COBL: variants seen among roughly 807,000 people sequenced by gnomAD.
COBL encodes cordon-bleu WH2 repeat protein, also known as protein cordon-bleu.
Under a neutral mutation model 98.8 loss-of-function variants are expected in COBL, and 51 were observed. The observed-to-expected ratio is 0.52, with a 90% CI of 0.41 to 0.65. The LOEUF (loss-of-function observed/expected upper bound fraction) is 0.65. Ranked by LOEUF, COBL falls within the 30% of genes least tolerant of loss-of-function variation. COBL has a pLI of 0.00. For synonymous variants in COBL, 634 were observed against 651.7 expected (o/e 0.97, Z 0.41); for missense variants, 1,617 against 1,617.5 (o/e 1.00, Z 0.01).
chr7:51,122,839 C>A (rs771698736), intron 6 of COBL, among the ~76,000 whole-genome samples: 7 of 152,054 alleles, frequency 4.6e-5, no homozygotes, highest in Non-Finnish European at 1.0e-4. Context: ...ATTAGCAGGG[C>A]ATGGTGGCGC....
At chr7:51,067,355 T>C (rs1363241377) in intron 7 of COBL, among the ~76,000 whole-genome samples, 1 of 152,284 alleles carries the variant, frequency 6.6e-6, no homozygotes, top group East Asian at 1.9e-4. Context: ...CATATATGTA[T>C]GCATGTGTAT....
In COBL at chr7:51,303,671, A is replaced by C. The variant is rs79060252; in HGVS notation, c.41+12922T>G. On this transcript the variant is annotated intron_variant, in intron 1 of 12. Coordinates refer to ENST00000265136, the MANE Select transcript of COBL (RefSeq NM_015198.5). The stretch of plus-strand genomic sequence containing the variant: ...ATTTTACCAAGCTCTTAGATGTTAC[A>C]TGTGACAAACACAGACATGTATCAA... Among the ~76,000 whole-genome samples, 1,150 of 152,330 alleles carry C rather than the reference A, an allele frequency of 7.5e-3. 7 individuals are homozygous for C. The highest frequency in any genetic ancestry group is 0.027 in the South Asian group (131 of 4,828).
chr7:51,290,139 T>G (rs1406247140), intron 1 of COBL, among the ~76,000 whole-genome samples: 1 of 152,018 alleles, frequency 6.6e-6, no homozygotes, highest in African/African-American at 2.4e-5. Context: ...AGGTGGTGAC[T>G]GCTCAAGATC....
At chr7:51,172,561 C>A (rs1198331777) in intron 5 of COBL, 1 of 1,272,510 alleles carries the variant, frequency 7.9e-7, no homozygotes, top group Non-Finnish European at 1.0e-6. Context: ...CACATCATCT[C>A]CAGGTGAAAG....
At chr7:51,173,726 T>C (rs1788097751) in intron 5 of COBL, among the ~76,000 whole-genome samples, 1 of 152,232 alleles carries the variant, frequency 6.6e-6, no homozygotes, top group African/African-American at 2.4e-5. Context: ...AGGTGATTCT[T>C]AGGTACTTTT....
chr7:51,086,390 A>G (rs1487149986), intron 6 of COBL, among the ~76,000 whole-genome samples: 1 of 150,414 alleles, frequency 6.6e-6, no homozygotes, highest in Non-Finnish European at 1.5e-5. Context: ...AAAAAGAATG[A>G]ACATGGTGAC....
intron 3 of COBL, among the ~76,000 whole-genome samples, chr7:51,192,882 CAATTTA>C (rs893600468): frequency 9.9e-5 from 15 of 152,008 alleles, no homozygotes; most frequent in Non-Finnish European, 1.9e-4. Flanking sequence ...TAGCTAGTGG[CAATTTA>C]AATTTAAAGT....
intron 3 of COBL, among the ~76,000 whole-genome samples, chr7:51,192,984 A>T (rs1790256973): frequency 6.6e-6 from 1 of 152,226 alleles, no homozygotes; most frequent in South Asian, 2.1e-4. Flanking sequence ...ATGAAAAAAG[A>T]AAAATCTACA....
rs1797562486 is a variant in COBL at position 51,259,866 on chromosome 7, G to A, written c.42-39922C>T. ...AGTCTTGCCATGGTTCTCTGCACCA[G>A]TAAACTCATGTCATTAATCCTTTCA... is the stretch of plus-strand genomic sequence containing the variant. On this transcript the variant is annotated intron_variant, in intron 1 of 12. Transcript: ENST00000265136. The A allele has an allele frequency of 7.9e-6, 6 of 756,174 alleles. No homozygotes were observed. The South Asian group carries it at 8.1e-5, about 10-fold the overall frequency. 46.8% of individuals were successfully genotyped at this position (756,174 alleles called of 1,614,324 possible). A position where few individuals can be genotyped will look rare whatever the true frequency, so the allele number is the denominator to read the frequency against.
chr7:51,124,290 G>A (rs746418846), intron 6 of COBL, among the ~76,000 whole-genome samples: 1 of 152,272 alleles, frequency 6.6e-6, no homozygotes, highest in Admixed American at 6.5e-5. Context: ...CATGCAATTT[G>A]TCTGGCACAA....
rs888614949 is a variant in COBL at position 51,103,383 on chromosome 7, C to CAT, written c.958-18081_958-18080dup. 8.7e-4 allele frequency among the ~76,000 whole-genome samples: 132 copies of CAT among 152,158 alleles called. 1 individual carries two copies. The highest frequency in any genetic ancestry group is 3.1e-3 in the African/African-American group (128 of 41,522). On this transcript the variant is annotated intron_variant, in intron 6 of 12. Coordinates refer to ENST00000265136, the MANE Select transcript of COBL (RefSeq NM_015198.5). ...GCTCTTAGCAATATCCTCTAAATAG[C>CAT]ATATATATTGTAAATATTTTCCCTA...
intron 1 of COBL, among the ~76,000 whole-genome samples, chr7:51,304,550 C>T (rs888653764): frequency 2.6e-5 from 4 of 152,286 alleles, no homozygotes; most frequent in Middle Eastern, 6.8e-3. Flanking sequence ...TGGCATTGGC[C>T]GCATTTCTAC....
At chr7:51,265,038 G>A (rs1020762478) in intron 1 of COBL, among the ~76,000 whole-genome samples, 1 of 152,280 alleles carries the variant, frequency 6.6e-6, no homozygotes. Flanking sequence ...CCAATGTGAA[G>A]GCCTCCTGAA....
intron 5 of COBL, among the ~76,000 whole-genome samples, chr7:51,170,640 G>A (rs1584042520): frequency 6.6e-6 from 1 of 151,310 alleles, no homozygotes; most frequent in Non-Finnish European, 1.5e-5. Context: ...GTGTCAGCGT[G>A]GATGAAACTG....
chr7:51,191,540 T>C (rs1329903494), intron 3 of COBL, among the ~76,000 whole-genome samples: 2 of 149,688 alleles, frequency 1.3e-5, no homozygotes, highest in East Asian at 3.9e-4. Flanking sequence ...TATATGTACA[T>C]AGATATATAT....
chr7:51,115,893 G>C (rs1034538044), intron 6 of COBL, among the ~76,000 whole-genome samples: 2 of 152,052 alleles, frequency 1.3e-5, no homozygotes, highest in African/African-American at 2.4e-5. Context: ...TTGAAGTTCT[G>C]TTATTAGGTA....
chr7:51,155,719 G>T (rs1311279979), intron 5 of COBL, among the ~76,000 whole-genome samples: 2 of 151,890 alleles, frequency 1.3e-5, no homozygotes, highest in Non-Finnish European at 2.9e-5. Flanking sequence ...CACCTATGGG[G>T]TAGTGTGTGT....
At chr7:51,253,278 TTCTC>T (rs1453234584) in intron 1 of COBL, among the ~76,000 whole-genome samples, 2 of 152,132 alleles carry the variant, frequency 1.3e-5, no homozygotes, top group East Asian at 1.9e-4. Context: ...TAAGGTGACA[TTCTC>T]TCTATTTGAG....
chr7:51,167,510 T>C (rs1314933904), intron 5 of COBL, among the ~76,000 whole-genome samples: 2 of 152,018 alleles, frequency 1.3e-5, no homozygotes, highest in Non-Finnish European at 2.9e-5. Context: ...ACCGTAAGCA[T>C]TCTACAAATT....
Sources: gnomAD v4.1 joint callset for allele counts (sites outside exome capture counted in the v4.1 genomes callset) on GRCh38, gnomAD v4.1.1 for gene constraint, MANE v1.5 for transcripts, NCBI Gene and HGNC (gene_info 2026-07-23, HGNC 2026-07-21) for gene names.